The following IFT172 variants were observed in gnomAD, a reference collection of about 807,000 sequenced individuals.
IFT172 encodes intraflagellar transport protein 172 homolog.
Under a neutral mutation model 248.9 loss-of-function variants are expected in IFT172, and 164 were observed. The ratio of observed to expected loss-of-function variants is 0.66; its 90% CI spans 0.58 to 0.75. The LOEUF (loss-of-function observed/expected upper bound fraction) is 0.75. Ranked by LOEUF, IFT172 falls within the 30% of genes least tolerant of loss-of-function variation. IFT172 has a pLI of 0.00. For synonymous variants in IFT172, 729 were observed against 791.6 expected (o/e 0.92, Z 1.33); for missense variants, 1,950 against 2,192.4 (o/e 0.89, Z 2.21).
At chr2:27,477,018 T>A (rs1668004172) in intron 13 of IFT172, 199 bp downstream of exon 13, 1 of 623,454 alleles carries the variant, frequency 1.6e-6, no homozygotes, top group East Asian at 2.7e-5. Context: ...AGAGATGGGG[T>A]TTCACCATGT....
intron 47 of IFT172, 67 bp downstream of exon 47, chr2:27,444,947 A>G: frequency 6.5e-7 from 1 of 1,549,982 alleles, no homozygotes; most frequent in Non-Finnish European, 8.8e-7. Flanking sequence ...CTGCACCCAG[A>G]CTTGTTTTTT....
rs1488837177 is a variant in IFT172, at chr2:27,461,334, G to A, written c.2377C>T (p.Leu793=). The change falls in exon 22 of 48, where the codon CTA becomes TTA. Residue 793 remains leucine (L), a synonymous_variant. Coordinates refer to ENST00000260570, the MANE Select transcript of IFT172 (RefSeq NM_015662.3). ...ARLVLTREEL[L]ANTELVEHIT... is the part of the protein sequence containing the mutation. ...TGTTCTACCAGCTCTGTGTTGGCTAGCAGTTCCTCTCGGGTCAGCACCAGC... is the reference window on the plus strand; with the variant it reads ...TGTTCTACCAGCTCTGTGTTGGCTAACAGTTCCTCTCGGGTCAGCACCAGC... 6.2e-7 allele frequency: 1 copy of A among 1,614,182 alleles called. No individual in the cohort carries two copies. The highest frequency in any genetic ancestry group is 1.7e-5 in the Admixed American group (1 of 60,020).
Position 27,445,739 on chromosome 2 carries a change from C to T in IFT172, c.4914+6G>A, listed in dbSNP as rs1665020124. The stretch of plus-strand genomic sequence containing the variant: ...GCCTTCCGGTTTTCCAACCCTGTGC[C>T]CTTACCGGTACATGCTGCTTAGCTG... On this transcript the variant is annotated splice_donor_region_variant and intron_variant, in intron 45 of 47. Coordinates refer to ENST00000260570, the MANE Select transcript of IFT172 (RefSeq NM_015662.3). This position sits in a 1 kb window ranked among gnomAD's most constrained non-coding sequence, Gnocchi z 4.4. 3.7e-6 allele frequency: 6 copies of T among 1,614,170 alleles called. No homozygotes were observed. The highest frequency in any genetic ancestry group is 5.1e-6 in the Non-Finnish European group (6 of 1,180,026).
chr2:27,482,445 AC>A (rs1668454251), intron 7 of IFT172, among the ~76,000 whole-genome samples: 1 of 151,728 alleles, frequency 6.6e-6, no homozygotes, highest in Non-Finnish European at 1.5e-5. Context: ...GGCATGTGCC[AC>A]CACGCCCAGC....
chr2:27,459,958 C>CT (rs1666519311), intron 23 of IFT172, 129 bp from the exon 24 acceptor site: 2 of 1,198,288 alleles, frequency 1.7e-6, no homozygotes, highest in South Asian at 2.8e-5. Context: ...GCCAGGCATC[C>CT]TGAACACACG....
chr2:27,475,838 C>A (rs921633789), intron 14 of IFT172, among the ~76,000 whole-genome samples: 29 of 151,488 alleles, frequency 1.9e-4, no homozygotes, highest in African/African-American at 6.8e-4. Context: ...CACCATGTTG[C>A]CTAGGCTGGT....
At chr2:27,465,939 A>T in intron 16 of IFT172, 57 bp from the exon 17 acceptor site, 5 of 1,605,644 alleles carry the variant, frequency 3.1e-6, no homozygotes, top group Non-Finnish European at 4.3e-6. Flanking sequence ...CACTGAATCA[A>T]TTATAGAAAA....
intron 15 of IFT172, 194 bp from the exon 16 acceptor site, chr2:27,471,289 G>A (rs927272066): frequency 4.2e-6 from 2 of 477,130 alleles, no homozygotes; most frequent in East Asian, 3.6e-5. Flanking sequence ...ATGACCCATA[G>A]AACAAAGATC....
intron 18 of IFT172, among the ~76,000 whole-genome samples, chr2:27,464,092 C>A (rs1038729845): frequency 2.6e-5 from 4 of 152,158 alleles, no homozygotes; most frequent in African/African-American, 9.7e-5. Flanking sequence ...AATTAAGAGG[C>A]TGTGCAATAT....
chr2:27,478,503 C>T (rs898799206), intron 10 of IFT172, among the ~76,000 whole-genome samples: 4 of 152,250 alleles, frequency 2.6e-5, no homozygotes, highest in African/African-American at 9.6e-5. Context: ...TTGACAGGGT[C>T]TCAGTATGTT....
intron 29 of IFT172, 127 bp from the exon 30 acceptor site, chr2:27,456,780 C>T (rs1001208485): frequency 1.5e-5 from 20 of 1,357,102 alleles, no homozygotes; most frequent in Non-Finnish European, 1.6e-5. Flanking sequence ...TGTGGTGGCT[C>T]ATACCTATAA....
At chr2:27,481,937 GCTT>G (rs1428255008) in intron 7 of IFT172, among the ~76,000 whole-genome samples, 1 of 151,732 alleles carries the variant, frequency 6.6e-6, no homozygotes, top group Non-Finnish European at 1.5e-5. Flanking sequence ...AGAGCATAGG[GCTT>G]CTTTTTTTAA....
At chr2:27,477,916 C>T in intron 11 of IFT172, 79 bp downstream of exon 11, 2 of 1,555,312 alleles carry the variant, frequency 1.3e-6, no homozygotes, top group East Asian at 2.2e-5. Flanking sequence ...GGAGAGCTTA[C>T]CCCTAGGGAT....
Position 27,454,570 on chromosome 2 carries a change from A to G in IFT172, c.3462T>C (p.Asp1154=). Residue 1154 remains aspartate (D), a synonymous_variant, in exon 31 of 48, where the codon GAT becomes GAC. Transcript: ENST00000260570. This position sits in a 1 kb window ranked among gnomAD's most constrained non-coding sequence, Gnocchi z 4.2. ...VHLKYAMFLE[D]EGKFEEAEAE... ...GGGGTCCAAATCACACCCATACCTC[A>G]TCCTCCAGGAACATAGCATATTTGA... 1 of 1,614,016 alleles carries G rather than the reference A, an allele frequency of 6.2e-7. No individual in the cohort carries two copies. The highest frequency in any genetic ancestry group is 8.5e-7 in the Non-Finnish European group (1 of 1,179,972).
chr2:27,476,689 C>T lies in IFT172; in HGVS notation c.1363G>A (p.Asp455Asn). 6.2e-7 allele frequency: 1 copy of T among 1,612,620 alleles called. No homozygotes were observed. Among genetic ancestry groups the T allele is most frequent in the Non-Finnish European group, 8.5e-7 (1 of 1,178,740 alleles). ...ATAAGATAAGCCAATTTCTTATTAT[C>T]TTCTGTTCCTCGCTGACACCTCTCA... ...INERCQRGTEDNKKLAYLIDI... is the reference protein window; with the variant it reads ...INERCQRGTENNKKLAYLIDI... Residue 455 changes from aspartate (D) to asparagine (N), a missense_variant, in exon 14 of 48, where the codon GAT (aspartate) becomes AAT (asparagine). Around this residue, in one of 3 missense-constraint regions of IFT172, gnomAD observed 1,166 missense variants for 1,254.1 expected, o/e 0.93. Coordinates refer to ENST00000260570, the MANE Select transcript of IFT172 (RefSeq NM_015662.3).
Position 27,457,907 on chromosome 2 carries a change from G to A in IFT172, c.3045C>T (p.Asp1015=). ...GGTGCTTCCCTACCAGGCGGATCATGTCATCATACAACTTGTGCTTTTTGT... is the reference window on the plus strand; with the variant it reads ...GGTGCTTCCCTACCAGGCGGATCATATCATCATACAACTTGTGCTTTTTGT... The part of the protein sequence containing the change: ...TMYKKHKLYD[D]MIRLVGKHHP... The change falls in exon 28 of 48, where the codon GAC becomes GAT. Residue 1015 remains aspartate (D), a synonymous_variant. Coordinates refer to ENST00000260570, the MANE Select transcript of IFT172 (RefSeq NM_015662.3). The A allele has an allele frequency of 6.2e-7, 1 of 1,614,208 alleles. No individual in the cohort carries two copies. The highest frequency in any genetic ancestry group is 1.1e-5 in the South Asian group (1 of 91,082).
Position 27,481,141 on chromosome 2 carries a change from T to C in IFT172, c.690A>G (p.Gln230=), listed in dbSNP as rs892639684. Residue 230 remains glutamine, a synonymous_variant, in exon 8 of 48, where the codon CAA becomes CAG. Coordinates refer to ENST00000260570, the MANE Select transcript of IFT172 (RefSeq NM_015662.3). ...VAYGKEGHML[Q]TFDYSRDPQE... ...GAGGGTCACGGCTATAATCAAAAGT[T>C]TGTAGCATGTGACCTTCTTTTCCAT... is the stretch of plus-strand genomic sequence containing the variant. 19 of 1,613,774 alleles carry C rather than the reference T, an allele frequency of 1.2e-5. No homozygotes were observed. Among genetic ancestry groups the C allele is most frequent in the African/African-American group, 1.3e-5 (1 of 74,870 alleles).
rs1666297612 is a variant in IFT172 at position 27,457,924 on chromosome 2, G to T, written c.3028C>A (p.His1010Asn). Reference sequence around the variant, plus strand: ...CGGATCATGTCATCATACAACTTGTGCTTTTTGTACATGGTGATGGCAAGA... The same window carrying T: ...CGGATCATGTCATCATACAACTTGTTCTTTTTGTACATGGTGATGGCAAGA... ...PDLAITMYKK[H>N]KLYDDMIRLV... Residue 1010 changes from histidine (H) to asparagine (N), a missense_variant, in exon 28 of 48, where the codon CAC (histidine) becomes AAC (asparagine). Around this residue, in one of 3 missense-constraint regions of IFT172, gnomAD observed 164 missense variants for 239.3 expected, o/e 0.69. Coordinates refer to ENST00000260570, the MANE Select transcript of IFT172 (RefSeq NM_015662.3). The T allele has an allele frequency of 1.2e-6, 2 of 1,614,180 alleles. No homozygotes were observed. The highest frequency in any genetic ancestry group is 3.3e-5 in the Admixed American group (2 of 60,034).
In IFT172 at chr2:27,485,006, C is replaced by G; in HGVS notation, c.296+12G>C. 4.9e-6 allele frequency: 7 copies of G among 1,434,798 alleles called. No homozygotes were observed. The highest frequency in any genetic ancestry group is 5.9e-6 in the Non-Finnish European group (6 of 1,017,630). The allele number at this position is 1,434,798 out of a possible 1,614,324, so 88.9% of individuals were successfully genotyped here. The stretch of plus-strand genomic sequence containing the variant: ...TTCCTGGGCCATCCCATCTCCCAGT[C>G]TCTATCCTCACCAATCTTCTCCAAT... On this transcript the variant is annotated intron_variant, in intron 3 of 47. Transcript: ENST00000260570.
Sources: allele counts gnomAD v4.1 joint callset (sites outside exome capture counted in the v4.1 genomes callset), GRCh38; gene constraint gnomAD v4.1.1; regional missense constraint gnomAD v4.1.1; non-coding constraint Gnocchi (gnomAD v3.1); transcripts MANE v1.5; gene names NCBI Gene and HGNC (gene_info 2026-07-23, HGNC 2026-07-21).